Variants in REPS2 observed in about 807,000 individuals in gnomAD.
The protein encoded by REPS2 is ralBP1-associated Eps domain-containing protein 2.
A neutral mutation model predicts 53.6 loss-of-function variants in REPS2; 23 were observed. The ratio of observed to expected loss-of-function variants is 0.43; its 90% CI spans 0.31 to 0.61. REPS2 has a LOEUF of 0.61. REPS2 is among the 20% of genes least tolerant of loss of function. The probability of loss-of-function intolerance (pLI) is 0.11; values close to 1 mark genes in which losing one functional copy is unlikely to be tolerated. For synonymous variants in REPS2, 238 were observed against 218.6 expected, an observed-to-expected ratio of 1.09 and a Z score of -0.78; for missense variants, 446 against 534.9, an observed-to-expected ratio of 0.83 and a Z score of 1.64.
chrX:17,100,216 G>A (rs2062767827), intron 13 of REPS2: 1 of 591,922 alleles, frequency 1.7e-6, no homozygotes, highest in East Asian at 3.2e-5. Flanking sequence ...ACTCCACTTT[G>A]CCCTTTACCA....
At chrX:17,020,822 G>A (rs2061565423) in intron 2 of REPS2, among the ~76,000 whole-genome samples, 1 of 110,628 alleles carries the variant, frequency 9.0e-6, no homozygotes, top group South Asian at 3.9e-4. Context: ...GTAGAGACGG[G>A]GTTTTACCAT....
At chrX:16,949,599 C>T (rs1411436044) in intron 1 of REPS2, among the ~76,000 whole-genome samples, 2 of 111,433 alleles carry the variant, frequency 1.8e-5, no homozygotes, top group South Asian at 3.7e-4. Context: ...GTAGAGACGG[C>T]GTTTTGCCAT....
chrX:17,118,460 A>C (rs1167554311), intron 14 of REPS2, among the ~76,000 whole-genome samples: 3 of 110,963 alleles, frequency 2.7e-5, no homozygotes, highest in Non-Finnish European at 5.7e-5. Context: ...GTTCATGCTA[A>C]CACTCTCACA....
At chrX:17,063,598 A>G (rs1296105988) in intron 9 of REPS2, among the ~76,000 whole-genome samples, 2 of 112,342 alleles carry the variant, frequency 1.8e-5, no homozygotes, top group African/African-American at 6.5e-5. Context: ...GGAAAAAGAC[A>G]TAAAGAAAAG....
At chrX:17,069,593 T>C (rs1393451094) in intron 10 of REPS2, among the ~76,000 whole-genome samples, 2 of 111,725 alleles carry the variant, frequency 1.8e-5, no homozygotes, top group African/African-American at 6.5e-5. Context: ...TGGATTTCAC[T>C]CCCAGGGATT....
At chrX:17,155,724 C>G (rs1296145610), downstream of REPS2, among the ~76,000 whole-genome samples, 3 of 112,036 alleles carry the variant, frequency 2.7e-5, no homozygotes, top group Non-Finnish European at 5.6e-5. Context: ...TAACGTGGAC[C>G]AAACCTGCTA....
At chrX:17,036,135 G>A (rs1178289369) in intron 5 of REPS2, among the ~76,000 whole-genome samples, 4 of 112,108 alleles carry the variant, frequency 3.6e-5, no homozygotes, top group Non-Finnish European at 7.5e-5. Flanking sequence ...GGGTGAAAAT[G>A]CCTATATATT....
At chrX:17,063,726 C>T (rs764268562) in intron 9 of REPS2, among the ~76,000 whole-genome samples, 23 of 111,138 alleles carry the variant, frequency 2.1e-4, no homozygotes, top group Non-Finnish European at 4.0e-4. Flanking sequence ...TCATGGCCCT[C>T]AGTTTACTTT....
At chrX:17,105,301 T>G (rs2062859190) in intron 14 of REPS2, among the ~76,000 whole-genome samples, 1 of 111,905 alleles carries the variant, frequency 8.9e-6, no homozygotes, top group African/African-American at 3.3e-5. Flanking sequence ...AAACCTGGAC[T>G]TGGTCACAAC....
chrX:17,122,219 T>A (rs1296533879), intron 14 of REPS2, among the ~76,000 whole-genome samples: 1 of 111,562 alleles, frequency 9.0e-6, no homozygotes, highest in Non-Finnish European at 1.9e-5. Context: ...CCAGTCGCTA[T>A]CTCTTATTCT....
chrX:17,184,929 C>T, the REPS2 span, among the ~76,000 whole-genome samples: 2 of 111,842 alleles, frequency 1.8e-5, no homozygotes, highest in Admixed American at 9.5e-5. Flanking sequence ...TTCTGTCTTC[C>T]CCATATCAGT....
At chrX:17,020,101 GA>G (rs2061552586) in intron 2 of REPS2, among the ~76,000 whole-genome samples, 1 of 111,860 alleles carries the variant, frequency 8.9e-6, no homozygotes, top group Non-Finnish European at 1.9e-5. Context: ...TAGCTCTAAA[GA>G]AATGCCATAG....
At chrX:16,951,559 A>ACACACACACAC (rs879259718) in intron 1 of REPS2, among the ~76,000 whole-genome samples, 520 of 37,492 alleles carry the variant, frequency 0.014, 18 homozygotes, top group East Asian at 0.033. Context: ...ACACACACAC[A>ACACACACACAC]CCCCCGCTAC....
intron 14 of REPS2, among the ~76,000 whole-genome samples, chrX:17,117,977 T>TTC (rs2063082081): frequency 1.7e-5 from 1 of 59,732 alleles, no homozygotes; most frequent in Non-Finnish European, 3.0e-5. Context: ...TTTTTTTTTT[T>TTC]GAGACGGAGT....
At chrX:17,035,720 G>GC (rs1046802929) in intron 5 of REPS2, among the ~76,000 whole-genome samples, 1 of 110,809 alleles carries the variant, frequency 9.0e-6, no homozygotes, top group Non-Finnish European at 1.9e-5. Context: ...TCCCCGCACA[G>GC]CCACTCATCC....
chrX:17,123,047 G>A (rs1197957758), intron 14 of REPS2, among the ~76,000 whole-genome samples: 1 of 112,324 alleles, frequency 8.9e-6, no homozygotes, highest in African/African-American at 3.2e-5. Context: ...ATATGTCAGA[G>A]ATTGGGGCCC....
At chrX:17,044,190 A>G (rs769509514) in intron 5 of REPS2, among the ~76,000 whole-genome samples, 4 of 111,276 alleles carry the variant, frequency 3.6e-5, no homozygotes, top group Non-Finnish European at 3.8e-5. Context: ...AAGAGGAGCT[A>G]GAAAGCAGAT....
At chrX:17,017,028 A>T (rs1288953977) in intron 2 of REPS2, among the ~76,000 whole-genome samples, 2 of 111,260 alleles carry the variant, frequency 1.8e-5, no homozygotes, top group East Asian at 5.6e-4. Flanking sequence ...CTGGAGTGTA[A>T]TGGTGCTGTT....
intron 12 of REPS2, among the ~76,000 whole-genome samples, chrX:17,076,137 C>T (rs1431753800): frequency 1.8e-5 from 2 of 111,996 alleles, no homozygotes; most frequent in Non-Finnish European, 3.8e-5. Context: ...GAAATTTATT[C>T]AGGAAAATAA....
Sources: gnomAD v4.1 joint callset for allele counts (sites outside exome capture counted in the v4.1 genomes callset) on GRCh38, gnomAD v4.1.1 for gene constraint, MANE v1.5 for transcripts, NCBI Gene and HGNC (gene_info 2026-07-23, HGNC 2026-07-21) for gene names.